Variants in PCDH15 observed in about 807,000 individuals in gnomAD.
The protein encoded by PCDH15 is protocadherin related 15, also known as protocadherin-15.
In PCDH15, 129 loss-of-function variants were observed where a neutral mutation model predicts 178.5. The observed-to-expected ratio is 0.72, with a 90% CI of 0.63 to 0.84. The LOEUF is 0.84. Ranked by LOEUF, PCDH15 falls within the 40% of genes least tolerant of loss-of-function variation. PCDH15 has a pLI of 0.00. For synonymous variants in PCDH15, 800 were observed against 732.0 expected (o/e 1.09, Z -1.50); for missense variants, 2,230 against 2,099.9 (o/e 1.06, Z -1.21).
chr10:55,070,162 T>C (rs1272653342), intron 2 of PCDH15, among the ~76,000 whole-genome samples: 7 of 151,964 alleles, frequency 4.6e-5, no homozygotes, highest in East Asian at 3.9e-4. Context: ...GAGTTCATTG[T>C]AGATTCTGGA....
At chr10:54,411,453 T>C (rs1189994867) in intron 3 of PCDH15, among the ~76,000 whole-genome samples, 1 of 152,196 alleles carries the variant, frequency 6.6e-6, no homozygotes, top group Non-Finnish European at 1.5e-5. Flanking sequence ...AGACTCAGAA[T>C]GTGGGGTTTG....
chr10:53,815,718 TAAGTA>T (rs1199628836), intron 35 of PCDH15, among the ~76,000 whole-genome samples: 4 of 151,686 alleles, frequency 2.6e-5, no homozygotes, highest in African/African-American at 9.7e-5. Context: ...ATAAACATAA[TAAGTA>T]AATACAATAA....
Position 54,048,041 on chromosome 10 carries a change from CCCT to C in PCDH15, c.2220+18713_2220+18715del, listed in dbSNP as rs200511211. 7.7e-3 allele frequency among the ~76,000 whole-genome samples: 1,179 copies of C among 152,222 alleles called. 18 individuals carry two copies. Among genetic ancestry groups the C allele is most frequent in the African/African-American group, 0.027 (1,103 of 41,552 alleles). ...TTTCCACCAACAGTGTATATGCATT[CCCT>C]TTTTTCCACACCTTTGCAAACATCT... On this transcript the variant is annotated intron_variant, in intron 18 of 37. Coordinates refer to ENST00000644397, the MANE Select transcript of PCDH15 (RefSeq NM_001384140.1).
intron 3 of PCDH15, among the ~76,000 whole-genome samples, chr10:54,425,446 C>T (rs1341897707): frequency 8.5e-5 from 13 of 152,232 alleles, no homozygotes; most frequent in Admixed American, 7.8e-4. Flanking sequence ...TATGCCCCAT[C>T]GACCTTGGAT....
intron 2 of PCDH15, among the ~76,000 whole-genome samples, chr10:55,063,967 T>G (rs1564762000): frequency 2.0e-5 from 3 of 152,138 alleles, no homozygotes; most frequent in Admixed American, 2.0e-4. Context: ...AAATATTTTG[T>G]TTCATGCCTT....
At chr10:54,092,413 G>A (rs1362133522) in intron 15 of PCDH15, among the ~76,000 whole-genome samples, 1 of 151,878 alleles carries the variant, frequency 6.6e-6, no homozygotes, top group Admixed American at 6.6e-5. Context: ...TATTTCTTTG[G>A]GGTAAAGTCT....
chr10:54,496,807 T>C (rs1456647085), intron 3 of PCDH15, among the ~76,000 whole-genome samples: 1 of 152,132 alleles, frequency 6.6e-6, no homozygotes, highest in Admixed American at 6.6e-5. Context: ...GTAAATACTA[T>C]GAAATGCAGT....
intron 2 of PCDH15, among the ~76,000 whole-genome samples, chr10:54,660,821 A>C (rs1238117536): frequency 6.6e-6 from 1 of 152,136 alleles, no homozygotes; most frequent in African/African-American, 2.4e-5. Context: ...CAAATCAATA[A>C]ATGTGATTCA....
intron 3 of PCDH15, among the ~76,000 whole-genome samples, chr10:54,843,469 AG>A (rs1322314131): frequency 1.3e-5 from 2 of 151,982 alleles, no homozygotes; most frequent in African/African-American, 4.8e-5. Context: ...TGTGTCTGAC[AG>A]GCTGACACTT....
intron 1 of PCDH15, among the ~76,000 whole-genome samples, chr10:54,737,208 G>A (rs1484051959): frequency 6.6e-6 from 1 of 152,038 alleles, no homozygotes; most frequent in African/African-American, 2.4e-5. Context: ...TCCAGGTGCT[G>A]GCGCTGACCC....
intron 3 of PCDH15, among the ~76,000 whole-genome samples, chr10:54,408,162 T>G (rs546363901): frequency 6.7e-6 from 1 of 149,994 alleles, no homozygotes; most frequent in East Asian, 2.0e-4. Flanking sequence ...ATTAGCTGTT[T>G]TTTTAAAAAA....
intron 2 of PCDH15, among the ~76,000 whole-genome samples, chr10:55,376,297 T>A (rs1298806410): frequency 6.6e-6 from 1 of 152,094 alleles, no homozygotes; most frequent in Non-Finnish European, 1.5e-5. Context: ...AGTTAGGTTA[T>A]CCCACAGGAT....
chr10:55,126,367 C>A (rs1837900825), intron 2 of PCDH15, among the ~76,000 whole-genome samples: 1 of 152,076 alleles, frequency 6.6e-6, no homozygotes, highest in Non-Finnish European at 1.5e-5. Context: ...TCCCTGTGAA[C>A]TTTCCTTTAA....
chr10:54,582,794 G>A (rs913473489), intron 2 of PCDH15, among the ~76,000 whole-genome samples: 19 of 152,056 alleles, frequency 1.2e-4, no homozygotes, highest in Middle Eastern at 6.8e-3. Flanking sequence ...CACACCTCTC[G>A]GCAGGAGGAT....
chr10:54,365,057 A>G (rs903373725), intron 5 of PCDH15, among the ~76,000 whole-genome samples: 3 of 152,120 alleles, frequency 2.0e-5, no homozygotes, highest in Non-Finnish European at 4.4e-5. Context: ...CTCTAGCCAG[A>G]GAAAATTCTT....
intron 22 of PCDH15, among the ~76,000 whole-genome samples, chr10:53,961,307 C>T (rs561155466): frequency 6.6e-6 from 1 of 151,320 alleles, no homozygotes; most frequent in East Asian, 1.9e-4. Flanking sequence ...TTTATTGTAA[C>T]AAAAAATGGA....
chr10:54,852,781 C>T (rs1953646351), intron 3 of PCDH15, among the ~76,000 whole-genome samples: 1 of 150,266 alleles, frequency 6.7e-6, no homozygotes, highest in Non-Finnish European at 1.5e-5. Context: ...TGAACCTGGG[C>T]AACAGAGGTT....
At chr10:54,895,813 A>C (rs1954534931) in intron 3 of PCDH15, among the ~76,000 whole-genome samples, 1 of 152,152 alleles carries the variant, frequency 6.6e-6, no homozygotes, top group Admixed American at 6.6e-5. Flanking sequence ...TTAGCCATAC[A>C]CGTTAGTCTA....
intron 7 of PCDH15, among the ~76,000 whole-genome samples, chr10:54,321,992 T>C (rs1031549390): frequency 2.6e-5 from 4 of 152,002 alleles, no homozygotes; most frequent in African/African-American, 7.2e-5. Flanking sequence ...ATAATGGTAA[T>C]GCTAATTCAT....
Sources: allele counts gnomAD v4.1 joint callset (sites outside exome capture counted in the v4.1 genomes callset), GRCh38; gene constraint gnomAD v4.1.1; transcripts MANE v1.5; gene names NCBI Gene and HGNC (gene_info 2026-07-23, HGNC 2026-07-21).